The following SPTSSB variants were observed in gnomAD, a reference collection of about 807,000 sequenced individuals.
SPTSSB encodes androgen down regulated in mouse prostate.
A neutral mutation model predicts 7.7 loss-of-function variants in SPTSSB; 6 were observed. That is an observed-to-expected ratio of 0.78 (90% confidence interval 0.43 to 1.54). The LOEUF (loss-of-function observed/expected upper bound fraction) is 1.54. Ranked by LOEUF, SPTSSB falls within the 40% of genes most tolerant of loss-of-function variation. The probability of loss-of-function intolerance (pLI) is 0.01; values close to 1 mark genes in which losing one functional copy is unlikely to be tolerated. For synonymous variants in SPTSSB, 28 were observed against 29.7 expected, an observed-to-expected ratio of 0.94 and a Z score of 0.19; for missense variants, 91 against 93.0, an observed-to-expected ratio of 0.98 and a Z score of 0.09.
intron 1 of SPTSSB, among the ~76,000 whole-genome samples, chr3:161,369,332 C>CTT (rs1715385190): frequency 1.7e-5 from 1 of 58,856 alleles, no homozygotes; most frequent in Non-Finnish European, 3.2e-5. Flanking sequence ...TTCTTTCTTT[C>CTT]TTTCTTTCTT....
intron 1 of SPTSSB, among the ~76,000 whole-genome samples, chr3:161,369,286 T>C (rs912912567): frequency 2.7e-5 from 3 of 110,368 alleles, no homozygotes; most frequent in African/African-American, 8.7e-5. Context: ...TCTTTCTTTC[T>C]TTTCTTTCTT....
At chr3:161,358,044 G>GTTT (rs11353900) in intron 2 of SPTSSB, among the ~76,000 whole-genome samples, 2 of 114,554 alleles carry the variant, frequency 1.7e-5, no homozygotes, top group African/African-American at 6.7e-5. Context: ...AGAAACTTTT[G>GTTT]TTTTTTTTTT....
chr3:161,350,343 A>T (rs1035215636), intron 2 of SPTSSB, among the ~76,000 whole-genome samples: 1 of 152,176 alleles, frequency 6.6e-6, no homozygotes, highest in Admixed American at 6.5e-5. Context: ...CTCATTAAGG[A>T]ATTTCCTATT....
At position 161,371,445 on chromosome 3, in the gene SPTSSB, G is replaced by C; in HGVS notation, c.-136C>G. On this transcript the variant is annotated 5_prime_UTR_variant, in exon 1 of 3. Transcript: ENST00000620149. ...TTGGAAGATGCTTACCTCCCAGTTG[G>C]GTGTATCTCCCTGCGGCTTAGGTGA... 1 of 985,396 alleles carries C rather than the reference G, an allele frequency of 1.0e-6. No homozygotes were observed. The highest frequency in any genetic ancestry group is 1.7e-5 in the African/African-American group (1 of 57,344). 61.0% of individuals were successfully genotyped at this position (985,396 alleles called of 1,614,324 possible). A position where few individuals can be genotyped will look rare whatever the true frequency, so the allele number is the denominator to read the frequency against.
intron 1 of SPTSSB, among the ~76,000 whole-genome samples, chr3:161,361,370 G>C (rs1715009070): frequency 6.6e-6 from 1 of 152,088 alleles, no homozygotes; most frequent in Non-Finnish European, 1.5e-5. Flanking sequence ...CAGGAGGCAG[G>C]TTTTAAGAAG....
chr3:161,353,206 G>T (rs968573829), intron 2 of SPTSSB, among the ~76,000 whole-genome samples: 3 of 152,114 alleles, frequency 2.0e-5, no homozygotes, highest in African/African-American at 7.2e-5. Context: ...ATGGGTTTTA[G>T]CTCTTTAGAC....
At chr3:161,346,403 T>C in intron 2 of SPTSSB, 48 bp from the exon 3 acceptor site, 1 of 987,152 alleles carries the variant, frequency 1.0e-6, no homozygotes, top group Non-Finnish European at 1.6e-6. Flanking sequence ...AAACATAGAA[T>C]CACTTTAAAA....
At chr3:161,352,072 C>G (rs1177921412) in intron 2 of SPTSSB, among the ~76,000 whole-genome samples, 3 of 152,200 alleles carry the variant, frequency 2.0e-5, no homozygotes, top group Non-Finnish European at 4.4e-5. Flanking sequence ...ACCTACTTGT[C>G]TCTTTTTTAC....
intron 1 of SPTSSB, among the ~76,000 whole-genome samples, chr3:161,361,507 G>A (rs9860980): frequency 0.054 from 8,153 of 152,138 alleles, 583 homozygotes; most frequent in African/African-American, 0.15. Flanking sequence ...TTTGAAATTG[G>A]CAAACTGGAG....
intron 1 of SPTSSB, among the ~76,000 whole-genome samples, chr3:161,369,203 A>G (rs1715350271): frequency 1.3e-5 from 2 of 152,036 alleles, no homozygotes; most frequent in African/African-American, 2.4e-5. Context: ...AATATATGAC[A>G]GTTCAATTTT....
rs923491704 is a variant in SPTSSB, at chr3:161,361,584, T to C, written c.-125-1690A>G. Among the ~76,000 whole-genome samples the C allele has an allele frequency of 4.6e-5, 7 of 152,194 alleles. No individual in the cohort carries two copies. In the East Asian group the frequency reaches 1.2e-3, roughly 25 times the overall value. ...AACATTAGTTATGCCATCAGTAACATGGTGATTATCAATTATTTCTGCATT... is the reference window on the plus strand; with the variant it reads ...AACATTAGTTATGCCATCAGTAACACGGTGATTATCAATTATTTCTGCATT... On this transcript the variant is annotated intron_variant, in intron 1 of 2. Transcript: ENST00000620149.
chr3:161,347,974 C>T (rs950743278), intron 2 of SPTSSB: 2 of 152,136 alleles, frequency 1.3e-5, no homozygotes, highest in Non-Finnish European at 2.9e-5. Context: ...CCATGTGGCT[C>T]CTTCTGAATA....
intron 2 of SPTSSB, among the ~76,000 whole-genome samples, chr3:161,349,675 G>A (rs1714427724): frequency 1.3e-5 from 2 of 152,156 alleles, no homozygotes; most frequent in Non-Finnish European, 2.9e-5. Context: ...TTCAAAGGTG[G>A]CACTCCTAAG....
chr3:161,370,340 T>C (rs746047290), intron 1 of SPTSSB, among the ~76,000 whole-genome samples: 10 of 152,174 alleles, frequency 6.6e-5, no homozygotes, highest in African/African-American at 2.4e-4. Flanking sequence ...CATTAAATAG[T>C]TGTAAATAAA....
chr3:161,359,613 A>G, intron 2 of SPTSSB, 189 bp downstream of exon 2: 1 of 587,146 alleles, frequency 1.7e-6, no homozygotes. Context: ...TGAGACCTCC[A>G]AATTACTAGA....
In SPTSSB at chr3:161,346,219, G is replaced by A; in HGVS notation, c.105C>T (p.Asn35=). The A allele has an allele frequency of 6.2e-7, 1 of 1,613,480 alleles. No homozygotes were observed. Among genetic ancestry groups the A allele is most frequent in the South Asian group, 1.1e-5 (1 of 91,072 alleles). ...TAGCAATAATGGTTAGTAAGATGGT[G>A]TTAAACATAGATCGCTCCCAGGGCT... ...VLEPWERSMF[N]TILLTIIAMV... is the part of the protein sequence containing the mutation. Residue 35 remains asparagine, a synonymous_variant, in exon 3 of 3, where the codon AAC becomes AAT. Coordinates refer to ENST00000620149, the MANE Select transcript of SPTSSB (RefSeq NM_001040100.2).
At chr3:161,358,827 G>A (rs1410980487) in intron 2 of SPTSSB, among the ~76,000 whole-genome samples, 1 of 152,142 alleles carries the variant, frequency 6.6e-6, no homozygotes, top group Non-Finnish European at 1.5e-5. Flanking sequence ...CATCCTACAA[G>A]TATTTTTGAA....
intron 1 of SPTSSB, among the ~76,000 whole-genome samples, chr3:161,369,621 G>C (rs389015): frequency 6.6e-6 from 1 of 151,970 alleles, no homozygotes; most frequent in East Asian, 1.9e-4. Context: ...TCTGTCTTAA[G>C]AGTGGAGGAT....
At chr3:161,355,182 G>A (rs1231076052) in intron 2 of SPTSSB, among the ~76,000 whole-genome samples, 1 of 152,112 alleles carries the variant, frequency 6.6e-6, no homozygotes, top group East Asian at 1.9e-4. Context: ...CTTAGTATGA[G>A]CTTCTTTATA....
Sources: gnomAD v4.1 joint callset for allele counts (sites outside exome capture counted in the v4.1 genomes callset) on GRCh38, gnomAD v4.1.1 for gene constraint, MANE v1.5 for transcripts, NCBI Gene and HGNC (gene_info 2026-07-23, HGNC 2026-07-21) for gene names.